ADAMTSL1: variants seen among roughly 807,000 people sequenced by gnomAD.
ADAMTSL1 encodes ADAMTS-like protein 1.
A neutral mutation model predicts 201.8 loss-of-function variants in ADAMTSL1; 126 were observed. The observed-to-expected ratio is 0.62, with a 90% CI of 0.54 to 0.72. ADAMTSL1 has a LOEUF of 0.72. Ranked by LOEUF, ADAMTSL1 falls within the 30% of genes least tolerant of loss-of-function variation. The pLI, the probability that ADAMTSL1 is intolerant of heterozygous loss-of-function variation, is 0.00. For missense variants in ADAMTSL1, 2,679 were observed against 2,277.8 expected (o/e 1.18, Z -3.59); for synonymous variants, 1,121 against 903.4 (o/e 1.24, Z -4.32).
In ADAMTSL1 at chr9:18,072,779, G is replaced by A. The variant is rs139829469; in HGVS notation, c.88-91083G>A. Among the ~76,000 whole-genome samples, 1,166 of 152,290 alleles carry A rather than the reference G, an allele frequency of 7.7e-3. 19 individuals carry two copies. The highest frequency in any genetic ancestry group is 0.05 in the South Asian group (242 of 4,826). On this transcript the variant is annotated intron_variant, in intron 1 of 29. Transcript: ENST00000680146. ...TAGGCTGACAATTTTCATTGCCCACGGAGGGCGATGAAGAATAGTGGAGTT... is the reference window on the plus strand; with the variant it reads ...TAGGCTGACAATTTTCATTGCCCACAGAGGGCGATGAAGAATAGTGGAGTT...
At chr9:18,562,170 T>C (rs902150254) in intron 3 of ADAMTSL1, among the ~76,000 whole-genome samples, 12 of 152,370 alleles carry the variant, frequency 7.9e-5, no homozygotes, top group African/African-American at 2.9e-4. Flanking sequence ...CGGTTTTTTC[T>C]TTCCATGTTT....
In ADAMTSL1 at chr9:18,160,671, A is replaced by G. The variant is rs149421213; in HGVS notation, c.88-3191A>G. Among the ~76,000 whole-genome samples the G allele has an allele frequency of 3.1e-5, 3 of 97,146 alleles. No homozygotes were observed. The East Asian group carries it at 1.1e-3, about 35-fold the overall frequency. 63.7% of individuals were successfully genotyped at this position (97,146 alleles called of 152,430 possible). A position where few individuals can be genotyped will look rare whatever the true frequency, so the allele number is the denominator to read the frequency against. ...ACAATTTTCTTTATTTCTTTTTTTA[A>G]TTAATTAATTAATTAATTAATTTTT... On this transcript the variant is annotated intron_variant, in intron 1 of 29. Coordinates refer to the ADAMTSL1 transcript ENST00000680146.
At chr9:17,941,459 C>T (rs1346549492) in intron 1 of ADAMTSL1, among the ~76,000 whole-genome samples, 1 of 152,104 alleles carries the variant, frequency 6.6e-6, no homozygotes, top group Non-Finnish European at 1.5e-5. Flanking sequence ...ATATTCTATA[C>T]AGTTTCAGTA....
At chr9:17,945,879 A>G (rs899133081) in intron 1 of ADAMTSL1, among the ~76,000 whole-genome samples, 1 of 150,782 alleles carries the variant, frequency 6.6e-6, no homozygotes, top group African/African-American at 2.4e-5. Flanking sequence ...TGACGAGTTA[A>G]TGGGTGCAGC....
intron 2 of ADAMTSL1, among the ~76,000 whole-genome samples, chr9:18,419,530 C>T (rs1563947946): frequency 6.6e-6 from 1 of 151,946 alleles, no homozygotes; most frequent in Non-Finnish European, 1.5e-5. Flanking sequence ...TCATAAGCAC[C>T]CCAAAATTCA....
intron 2 of ADAMTSL1, among the ~76,000 whole-genome samples, chr9:18,446,904 C>T (rs543917501): frequency 6.6e-6 from 1 of 151,950 alleles, no homozygotes; most frequent in South Asian, 2.1e-4. Context: ...TAAAGGCAGT[C>T]AGAAGTGTGG....
At chr9:18,628,478 T>C (rs1826538323) in intron 5 of ADAMTSL1, among the ~76,000 whole-genome samples, 1 of 152,238 alleles carries the variant, frequency 6.6e-6, no homozygotes, top group Non-Finnish European at 1.5e-5. Flanking sequence ...TTACCGTGGC[T>C]TTAAGGTAAA....
chr9:18,486,322 A>G (rs1311701322), intron 1 of ADAMTSL1, among the ~76,000 whole-genome samples: 1 of 152,212 alleles, frequency 6.6e-6, no homozygotes, highest in Non-Finnish European at 1.5e-5. Flanking sequence ...TTCAGGCCCA[A>G]GTTTTCTGAA....
chr9:18,106,013 G>A (rs751600599), intron 1 of ADAMTSL1, among the ~76,000 whole-genome samples: 9 of 152,176 alleles, frequency 5.9e-5, no homozygotes, highest in Non-Finnish European at 1.0e-4. Flanking sequence ...ATGTACAGAT[G>A]TTTCTTATCT....
chr9:18,214,473 T>G (rs1376581175), intron 2 of ADAMTSL1, among the ~76,000 whole-genome samples: 2 of 152,210 alleles, frequency 1.3e-5, no homozygotes, highest in East Asian at 3.8e-4. Flanking sequence ...ACATTGAAAT[T>G]GACCTTAAAG....
chr9:18,130,945 C>T (rs1825926793), intron 1 of ADAMTSL1, among the ~76,000 whole-genome samples: 2 of 152,106 alleles, frequency 1.3e-5, no homozygotes, highest in Admixed American at 1.3e-4. Context: ...TGGTTTTACT[C>T]ATTTCTATTG....
chr9:18,747,791 G>A (rs1819234039), intron 15 of ADAMTSL1, among the ~76,000 whole-genome samples: 1 of 152,174 alleles, frequency 6.6e-6, no homozygotes, highest in Non-Finnish European at 1.5e-5. Flanking sequence ...CCAAGTTCAA[G>A]GGCTAGCCAG....
At chr9:18,098,617 G>C (rs1824356655) in intron 1 of ADAMTSL1, among the ~76,000 whole-genome samples, 1 of 152,138 alleles carries the variant, frequency 6.6e-6, no homozygotes, top group South Asian at 2.1e-4. Context: ...AATTGCTTTG[G>C]AAGATCCTTG....
At chr9:18,730,828 G>A (rs476104) in intron 15 of ADAMTSL1, among the ~76,000 whole-genome samples, 38,227 of 152,094 alleles carry the variant, frequency 0.25, 5,357 homozygotes, top group Non-Finnish European at 0.32. Context: ...TGTCTTCTCT[G>A]TAACTTACTG....
At chr9:18,401,784 T>C (rs1817995872) in intron 2 of ADAMTSL1, among the ~76,000 whole-genome samples, 2 of 152,174 alleles carry the variant, frequency 1.3e-5, no homozygotes, top group Admixed American at 1.3e-4. Flanking sequence ...GGAATATGTG[T>C]TCAGGGAGAG....
At chr9:18,864,431 G>A (rs1827382959) in intron 23 of ADAMTSL1, among the ~76,000 whole-genome samples, 1 of 152,148 alleles carries the variant, frequency 6.6e-6, no homozygotes, top group African/African-American at 2.4e-5. Context: ...ATCCTACAAG[G>A]AAGCCCACAA....
chr9:18,573,681 A>G (rs986741436), intron 3 of ADAMTSL1, among the ~76,000 whole-genome samples: 3 of 152,232 alleles, frequency 2.0e-5, no homozygotes, highest in South Asian at 2.1e-4. Context: ...ACTAGGTTCT[A>G]CTTATGAGGA....
At chr9:18,865,432 G>C (rs1488231125) in intron 23 of ADAMTSL1, among the ~76,000 whole-genome samples, 3 of 152,110 alleles carry the variant, frequency 2.0e-5, no homozygotes, top group Non-Finnish European at 4.4e-5. Flanking sequence ...TCTTAATCCA[G>C]TCTATCGTTG....
At chr9:18,335,676 A>C (rs1835207792) in intron 2 of ADAMTSL1, among the ~76,000 whole-genome samples, 1 of 152,154 alleles carries the variant, frequency 6.6e-6, no homozygotes, top group Non-Finnish European at 1.5e-5. Flanking sequence ...CTCCAAAAAT[A>C]AATCTTCAAA....
Sources: gnomAD v4.1 joint callset for allele counts (sites outside exome capture counted in the v4.1 genomes callset) on GRCh38, gnomAD v4.1.1 for gene constraint, MANE v1.5 for transcripts, NCBI Gene and HGNC (gene_info 2026-07-23, HGNC 2026-07-21) for gene names.